The following JAZF1 variants were observed in gnomAD, a reference collection of about 807,000 sequenced individuals.
The protein encoded by JAZF1 is JAZF zinc finger 1, also known as juxtaposed with another zinc finger protein 1.
A neutral mutation model predicts 26.4 loss-of-function variants in JAZF1; 8 were observed. The observed-to-expected ratio is 0.30, with a 90% CI of 0.18 to 0.55. JAZF1 has a LOEUF of 0.55. Among genes scored for constraint, JAZF1 ranks in the 20% least tolerant of loss-of-function variants. The probability of loss-of-function intolerance (pLI) is 0.94; values close to 1 mark genes in which losing one functional copy is unlikely to be tolerated. For missense variants in JAZF1, 199 were observed against 322.0 expected, an observed-to-expected ratio of 0.62 and a Z score of 2.92; for synonymous variants, 126 against 122.3, an observed-to-expected ratio of 1.03 and a Z score of -0.20.
intron 1 of JAZF1, among the ~76,000 whole-genome samples, chr7:28,079,228 G>C (rs1784099176): frequency 6.6e-6 from 1 of 152,018 alleles, no homozygotes; most frequent in African/African-American, 2.4e-5. Flanking sequence ...CCTGACCTCA[G>C]GTGATCCGCC....
intron 1 of JAZF1, among the ~76,000 whole-genome samples, chr7:28,171,233 G>A (rs184166724): frequency 7.3e-4 from 111 of 152,268 alleles, no homozygotes; most frequent in Non-Finnish European, 1.2e-3. Flanking sequence ...TTTAAAAAGA[G>A]TCTCTTTCAG....
At chr7:27,855,274 G>A (rs559418303) in intron 3 of JAZF1, among the ~76,000 whole-genome samples, 8 of 152,118 alleles carry the variant, frequency 5.3e-5, no homozygotes, top group African/African-American at 1.7e-4. Flanking sequence ...GAGAAAGCAG[G>A]AAAGATCTGA....
At chr7:28,110,415 G>C (rs1784623613) in intron 1 of JAZF1, among the ~76,000 whole-genome samples, 1 of 143,858 alleles carries the variant, frequency 7.0e-6, no homozygotes, top group African/African-American at 2.6e-5. Flanking sequence ...GACAGAGTGA[G>C]ACTCCATCAA....
At chr7:27,857,297 C>T (rs4455744) in intron 3 of JAZF1, among the ~76,000 whole-genome samples, 34,267 of 152,174 alleles carry the variant, frequency 0.23, 4,270 homozygotes, top group African/African-American at 0.33. Flanking sequence ...GCTGGCTGGC[C>T]GCTCCGAGTG....
chr7:27,874,469 TA>T (rs1783639459), intron 3 of JAZF1, among the ~76,000 whole-genome samples: 1 of 152,056 alleles, frequency 6.6e-6, no homozygotes, highest in East Asian at 1.9e-4. Flanking sequence ...GGAAGTGCCA[TA>T]AATCTCTCAA....
chr7:27,997,789 G>A (rs1697841129), intron 1 of JAZF1, among the ~76,000 whole-genome samples: 1 of 151,560 alleles, frequency 6.6e-6, no homozygotes, highest in African/African-American at 2.4e-5. Context: ...GCCTAGGCTG[G>A]TCTTGAACTC....
At chr7:27,871,733 C>T (rs377548427) in intron 3 of JAZF1, among the ~76,000 whole-genome samples, 5 of 152,112 alleles carry the variant, frequency 3.3e-5, no homozygotes, top group Admixed American at 2.0e-4. Flanking sequence ...AAACATGCTT[C>T]GAATGTTAAT....
At chr7:27,954,129 G>A (rs57876661) in intron 2 of JAZF1, among the ~76,000 whole-genome samples, 3,990 of 152,274 alleles carry the variant, frequency 0.026, 159 homozygotes, top group African/African-American at 0.09. Context: ...CATCCTAGAG[G>A]CTTCTGATAG....
At chr7:28,008,650 T>C (rs1453843546) in intron 1 of JAZF1, among the ~76,000 whole-genome samples, 1 of 152,212 alleles carries the variant, frequency 6.6e-6, no homozygotes, top group East Asian at 1.9e-4. Flanking sequence ...CCTGAATTAT[T>C]TGCATAAAGA....
intron 3 of JAZF1, among the ~76,000 whole-genome samples, chr7:27,861,251 C>T (rs555257238): frequency 3.3e-5 from 5 of 152,176 alleles, no homozygotes; most frequent in South Asian, 4.2e-4. Context: ...TACTACTGTG[C>T]GGGGGACTCA....
chr7:28,146,767 T>C (rs140877713), intron 1 of JAZF1, among the ~76,000 whole-genome samples: 3 of 152,174 alleles, frequency 2.0e-5, no homozygotes, highest in Admixed American at 6.5e-5. Flanking sequence ...TTTAATCTAC[T>C]ATAGGTTGAG....
chr7:28,158,889 C>T (rs568604278), intron 1 of JAZF1, among the ~76,000 whole-genome samples: 6 of 152,164 alleles, frequency 3.9e-5, no homozygotes, highest in Non-Finnish European at 7.3e-5. Flanking sequence ...CATTTTGGCT[C>T]TCCACTCATG....
intron 1 of JAZF1, among the ~76,000 whole-genome samples, chr7:28,115,101 T>C (rs982790733): frequency 3.3e-5 from 5 of 152,162 alleles, no homozygotes; most frequent in African/African-American, 4.8e-5. Context: ...GTAGGTTCTG[T>C]TGTTGTTTTT....
At chr7:27,845,715 G>GAAAGAAAAGA (rs1783016467) in intron 3 of JAZF1, among the ~76,000 whole-genome samples, 1 of 109,664 alleles carries the variant, frequency 9.1e-6, no homozygotes, top group African/African-American at 3.9e-5. Flanking sequence ...AAAAAAAAAA[G>GAAAGAAAAGA]AAAAGAAAAA....
At chr7:27,854,781 T>C (rs1783212792) in intron 3 of JAZF1, among the ~76,000 whole-genome samples, 1 of 152,146 alleles carries the variant, frequency 6.6e-6, no homozygotes, top group African/African-American at 2.4e-5. Flanking sequence ...ACCTGACCTT[T>C]CTCTCTGTCT....
intron 2 of JAZF1, among the ~76,000 whole-genome samples, chr7:27,898,779 A>C (rs192823232): frequency 7.2e-5 from 11 of 152,324 alleles, no homozygotes; most frequent in Middle Eastern, 3.4e-3. Context: ...ACCCATGTTA[A>C]AAGCATTAAA....
intron 3 of JAZF1, among the ~76,000 whole-genome samples, chr7:27,894,173 G>A (rs771237722): frequency 1.4e-4 from 22 of 152,148 alleles, no homozygotes; most frequent in Non-Finnish European, 2.9e-4. Flanking sequence ...AGGGCAGGGG[G>A]CCTCTCTCTG....
chr7:28,135,561 T>A (rs370203873), intron 1 of JAZF1, among the ~76,000 whole-genome samples: 2 of 152,320 alleles, frequency 1.3e-5, no homozygotes, highest in East Asian at 3.9e-4. Flanking sequence ...AAATCTTATC[T>A]GATAACCGCC....
At chr7:28,157,775 A>T (rs1282057907) in intron 1 of JAZF1, among the ~76,000 whole-genome samples, 4 of 152,170 alleles carry the variant, frequency 2.6e-5, no homozygotes, top group Non-Finnish European at 4.4e-5. Flanking sequence ...CTTAGCATGT[A>T]ATGCTAACTC....
Sources: gnomAD v4.1 joint callset for allele counts (sites outside exome capture counted in the v4.1 genomes callset) on GRCh38, gnomAD v4.1.1 for gene constraint, MANE v1.5 for transcripts, NCBI Gene and HGNC (gene_info 2026-07-23, HGNC 2026-07-21) for gene names.